BIRC6: variants seen among roughly 807,000 people sequenced by gnomAD.
BIRC6 encodes baculoviral IAP repeat containing 6, also known as dual E2 ubiquitin-conjugating enzyme/E3 ubiquitin-protein ligase BIRC6.
BIRC6 carries 98 observed loss-of-function variants against 503.3 expected under a neutral mutation model. The ratio of observed to expected loss-of-function variants is 0.19; its 90% CI spans 0.17 to 0.23. The LOEUF is 0.23. Ranked by LOEUF, BIRC6 falls within the 10% of genes least tolerant of loss-of-function variation. The probability of loss-of-function intolerance (pLI) is 1.00; values close to 1 mark genes in which losing one functional copy is unlikely to be tolerated. For synonymous variants in BIRC6, 2,240 were observed against 2,078.7 expected, an observed-to-expected ratio of 1.08 and a Z score of -2.11; for missense variants, 5,360 against 5,806.0, an observed-to-expected ratio of 0.92 and a Z score of 2.50.
Position 32,468,503 on chromosome 2 carries a change from T to C in BIRC6, c.5847T>C (p.Ser1949=), listed in dbSNP as rs143888188. ...GTATTGATCTTCCTCCTCTAAACAG[T>C]GCTAACAATGCACAGTACTTTTTAC... ...LQSIDLPPLN[S]ANNAQYFLRK... is the part of the protein sequence containing the mutation. The change falls in exon 29 of 74, where the codon AGT becomes AGC. Residue 1949 remains serine, a synonymous_variant. Transcript: ENST00000421745. 7.4e-6 allele frequency: 12 copies of C among 1,613,808 alleles called. No homozygotes were observed. The highest frequency in any genetic ancestry group is 1.1e-5 in the South Asian group (1 of 91,078).
At position 32,499,928 on chromosome 2, in the gene BIRC6, A is replaced by C. The variant is rs748701435; in HGVS notation, c.8850A>C (p.Thr2950=). 5 of 1,614,028 alleles carry C rather than the reference A, an allele frequency of 3.1e-6. No individual in the cohort carries two copies. Residue 2950 remains threonine (T), a synonymous_variant, in exon 46 of 74, where the codon ACA becomes ACC. Transcript: ENST00000421745. The part of the protein sequence containing the change: ...YSARVSVTTN[T]TDSVSDEEKV... ...CAAGAGTGTCTGTGACCACAAATAC[A>C]ACAGATAGTGTTTCAGATGAAGAAA...
intron 1 of BIRC6, among the ~76,000 whole-genome samples, chr2:32,373,207 T>G (rs2149301512): frequency 6.6e-6 from 1 of 152,174 alleles, no homozygotes; most frequent in Non-Finnish European, 1.5e-5. Context: ...TCCCAGTAAC[T>G]TTTTTCTATT....
At chr2:32,446,813 AG>A (rs2046022220) in intron 21 of BIRC6, among the ~76,000 whole-genome samples, 1 of 101,402 alleles carries the variant, frequency 9.9e-6, no homozygotes, top group African/African-American at 4.0e-5. Context: ...GGGATTTGGC[AG>A]GGTCATAGGA....
intron 1 of BIRC6, among the ~76,000 whole-genome samples, chr2:32,375,785 A>G (rs1329666582): frequency 6.9e-6 from 1 of 144,524 alleles, no homozygotes; most frequent in African/African-American, 2.6e-5. Context: ...TTGTAATCAT[A>G]TGACTTGTCC....
At chr2:32,555,531 A>T (rs2058713598) in intron 65 of BIRC6, among the ~76,000 whole-genome samples, 1 of 152,160 alleles carries the variant, frequency 6.6e-6, no homozygotes, top group South Asian at 2.1e-4. Context: ...CCAGCTACTC[A>T]GGAGGCTGAG....
At chr2:32,526,072 G>C (rs1233496314) in intron 59 of BIRC6, among the ~76,000 whole-genome samples, 1 of 152,184 alleles carries the variant, frequency 6.6e-6, no homozygotes, top group African/African-American at 2.4e-5. Flanking sequence ...GGTGATAACA[G>C]GTTGAGCATC....
At chr2:32,507,590 A>G (rs2053941943) in intron 50 of BIRC6, among the ~76,000 whole-genome samples, 1 of 152,254 alleles carries the variant, frequency 6.6e-6, no homozygotes, top group African/African-American at 2.4e-5. Flanking sequence ...ATAGTAAACC[A>G]TAGCATATTA....
At chr2:32,370,465 A>G (rs115867074) in intron 1 of BIRC6, among the ~76,000 whole-genome samples, 249 of 152,158 alleles carry the variant, frequency 1.6e-3, no homozygotes, top group Middle Eastern at 0.014. Flanking sequence ...CTGTCCCTGC[A>G]TTGTGTTTTA....
intron 65 of BIRC6, among the ~76,000 whole-genome samples, chr2:32,568,978 C>G (rs2059732312): frequency 7.4e-6 from 1 of 135,758 alleles, no homozygotes; most frequent in Admixed American, 7.3e-5. Context: ...TCTCCCATGT[C>G]TCTCTCTTTT....
At position 32,510,009 on chromosome 2, in the gene BIRC6, T is replaced by C; in HGVS notation, c.10237+15T>C. The C allele has an allele frequency of 6.2e-7, 1 of 1,611,646 alleles. No homozygotes were observed. The highest frequency in any genetic ancestry group is 1.1e-5 in the South Asian group (1 of 90,534). On this transcript the variant is annotated intron_variant, in intron 52 of 73. Coordinates refer to ENST00000421745, the MANE Select transcript of BIRC6 (RefSeq NM_016252.4). Reference sequence around the variant, plus strand: ...TGATCCTACAGGTGATAATTAACTTTGATATTTAAATGTTTACATATCTGT... The same window carrying C: ...TGATCCTACAGGTGATAATTAACTTCGATATTTAAATGTTTACATATCTGT...
chr2:32,518,278 T>A lies in BIRC6; in HGVS notation c.11374T>A (p.Ser3792Thr). The change falls in exon 56 of 74, where the codon TCT becomes ACT. Residue 3792 changes from serine to threonine, a missense_variant. Transcript: ENST00000421745. ...AQVLCELFQT[S>T]PQRGNLPTSG... Reference sequence around the variant, plus strand: ...GGTTCTTTGTGAACTATTTCAGACATCTCCTCAAAGAGGGAACCTTCCAAC... The same window carrying A: ...GGTTCTTTGTGAACTATTTCAGACAACTCCTCAAAGAGGGAACCTTCCAAC... The A allele has an allele frequency of 6.2e-7, 1 of 1,613,208 alleles. No individual in the cohort carries two copies. The highest frequency in any genetic ancestry group is 8.5e-7 in the Non-Finnish European group (1 of 1,179,588).
intron 40 of BIRC6, among the ~76,000 whole-genome samples, chr2:32,486,830 T>G (rs2051046711): frequency 6.6e-6 from 1 of 152,204 alleles, no homozygotes; most frequent in African/African-American, 2.4e-5. Context: ...ATCTCAGTAT[T>G]GGTACACAAA....
chr2:32,504,685 A>G (rs1051572291), intron 49 of BIRC6, among the ~76,000 whole-genome samples: 3 of 151,814 alleles, frequency 2.0e-5, no homozygotes, highest in African/African-American at 4.8e-5. Flanking sequence ...ATAAATAAAT[A>G]AATAAATAAT....
chr2:32,575,308 G>C lies in BIRC6; in HGVS notation c.13297G>C (p.Val4433Leu). 1 of 1,613,968 alleles carries C rather than the reference G, an allele frequency of 6.2e-7. No individual in the cohort carries two copies. Among genetic ancestry groups the C allele is most frequent in the Non-Finnish European group, 8.5e-7 (1 of 1,179,884 alleles). The change falls in exon 66 of 74, where the codon GTT (valine) becomes CTT (leucine). Residue 4433 changes from valine to leucine, a missense_variant. By Grantham distance (32) the Val-to-Leu change is conservative. Around this residue, in one of 16 missense-constraint regions of BIRC6, gnomAD observed 477 missense variants for 574.4 expected, o/e 0.83. Transcript: ENST00000421745. ...AGAACAGTCAGAATGTCAAACTTCT[G>C]TTGGTACATTGTTAGCCAAAATGAA... is the stretch of plus-strand genomic sequence containing the variant. ...EEEQSECQTS[V>L]GTLLAKMKTC...
At chr2:32,570,434 T>G (rs1423155733) in intron 65 of BIRC6, among the ~76,000 whole-genome samples, 1 of 152,154 alleles carries the variant, frequency 6.6e-6, no homozygotes, top group Non-Finnish European at 1.5e-5. Context: ...TTCACTCACC[T>G]TGGCCTCCCA....
Position 32,578,979 on chromosome 2 carries a change from A to ATATATATATATATATATATAT in BIRC6, c.13355+3613_13355+3614insTATATATATATATATATATAT, listed in dbSNP as rs1424095222. ...GTTTACTACTTATTTTTATATACCT[A>ATATATATATATATATATATAT]ATATATATATACACTTAATATATAT... On this transcript the variant is annotated intron_variant, in intron 66 of 73. Transcript: ENST00000421745. Among the ~76,000 whole-genome samples, 48 of 74,302 alleles carry ATATATATATATATATATATAT rather than the reference A, an allele frequency of 6.5e-4. 3 individuals are homozygous for ATATATATATATATATATATAT. Among genetic ancestry groups the ATATATATATATATATATATAT allele is most frequent in the African/African-American group, 2.8e-3 (47 of 16,544 alleles). 48.7% of individuals were successfully genotyped at this position (74,302 alleles called of 152,430 possible).
intron 65 of BIRC6, among the ~76,000 whole-genome samples, chr2:32,554,635 C>A (rs764961688): frequency 6.6e-6 from 1 of 151,978 alleles, no homozygotes; most frequent in Non-Finnish European, 1.5e-5. Flanking sequence ...TTTAATTTCC[C>A]TAATATTGGT....
At position 32,411,196 on chromosome 2, in the gene BIRC6, G is replaced by A. The variant is rs1038400523; in HGVS notation, c.1478-3573G>A. Among the ~76,000 whole-genome samples, 71 of 151,324 alleles carry A rather than the reference G, an allele frequency of 4.7e-4. 1 individual carries two copies. Among genetic ancestry groups the A allele is most frequent in the East Asian group, 2.0e-4 (1 of 5,072 alleles). ...TGGTATTACAGGCACATGCCACCAC[G>A]CTTGGCTAATTTTGTATTTTTAGTA... is the stretch of plus-strand genomic sequence containing the variant. On this transcript the variant is annotated intron_variant, in intron 9 of 73. Transcript: ENST00000421745.
At position 32,433,696 on chromosome 2, in the gene BIRC6, G is replaced by A; in HGVS notation, c.3301G>A (p.Val1101Ile). 1 of 1,605,804 alleles carries A rather than the reference G, an allele frequency of 6.2e-7. No individual in the cohort carries two copies. The highest frequency in any genetic ancestry group is 8.5e-7 in the Non-Finnish European group (1 of 1,174,022). Residue 1101 changes from valine to isoleucine, a missense_variant, in exon 13 of 74, where the codon GTT (valine) becomes ATT (isoleucine). Physicochemically the swap from Val to Ile is conservative, Grantham distance 29 (BLOSUM62 3). Around this residue, in one of 16 missense-constraint regions of BIRC6, gnomAD observed 2,299 missense variants for 2,267.2 expected, o/e 1.01. Coordinates refer to ENST00000421745, the MANE Select transcript of BIRC6 (RefSeq NM_016252.4). The part of the protein sequence containing the change: ...FELVLPKACM[V>I]GHVDFKFVLN... ...ATTAGTACTACCTAAAGCTTGTATG[G>A]TTGGACATGTGGACTTCAAATTCGT... is the stretch of plus-strand genomic sequence containing the variant.
Sources: allele counts gnomAD v4.1 joint callset (sites outside exome capture counted in the v4.1 genomes callset), GRCh38; gene constraint gnomAD v4.1.1; regional missense constraint gnomAD v4.1.1; transcripts MANE v1.5; gene names NCBI Gene and HGNC (gene_info 2026-07-23, HGNC 2026-07-21).